The following THSD7A variants were observed in gnomAD, a reference collection of about 807,000 sequenced individuals.
The protein encoded by THSD7A is thrombospondin type-1 domain-containing protein 7A.
THSD7A carries 96 observed loss-of-function variants against 231.3 expected under a neutral mutation model. The observed-to-expected ratio is 0.41, with a 90% confidence interval of 0.35 to 0.49. The LOEUF (loss-of-function observed/expected upper bound fraction) is 0.49. Ranked by LOEUF, THSD7A falls within the 20% of genes least tolerant of loss-of-function variation. The pLI is 0.05. For missense variants in THSD7A, 2,290 were observed against 2,070.2 expected, an observed-to-expected ratio of 1.11 and a Z score of -2.06; for synonymous variants, 940 against 743.3, an observed-to-expected ratio of 1.26 and a Z score of -4.30.
intron 1 of THSD7A, among the ~76,000 whole-genome samples, chr7:11,825,148 A>G (rs1784988549): frequency 6.6e-6 from 1 of 152,096 alleles, no homozygotes; most frequent in Non-Finnish European, 1.5e-5. Context: ...TGTCATTTTT[A>G]GGGGAATAAC....
At chr7:11,756,605 A>T (rs926489070) in intron 1 of THSD7A, among the ~76,000 whole-genome samples, 1 of 152,030 alleles carries the variant, frequency 6.6e-6, no homozygotes, top group East Asian at 1.9e-4. Flanking sequence ...GAAAAAAAAA[A>T]TGTTCATTTA....
chr7:11,519,775 A>C (rs749996302), intron 6 of THSD7A, among the ~76,000 whole-genome samples: 1 of 152,100 alleles, frequency 6.6e-6, no homozygotes, highest in Non-Finnish European at 1.5e-5. Flanking sequence ...AGTTGTTGAT[A>C]ATATTGTACT....
At chr7:11,776,459 T>A (rs1219320599) in intron 1 of THSD7A, among the ~76,000 whole-genome samples, 6 of 152,190 alleles carry the variant, frequency 3.9e-5, no homozygotes, top group Non-Finnish European at 8.8e-5. Context: ...ACCCTTATTA[T>A]CTAGTCTCTA....
At chr7:11,579,903 A>G (rs557935908) in intron 4 of THSD7A, among the ~76,000 whole-genome samples, 1 of 152,324 alleles carries the variant, frequency 6.6e-6, no homozygotes, top group Non-Finnish European at 1.5e-5. Flanking sequence ...AGTCATTCTC[A>G]CTGGCTGTAA....
At chr7:11,566,965 T>TAGCGGGGGGGGGGGGGGGGC in intron 4 of THSD7A, among the ~76,000 whole-genome samples, 1 of 92,304 alleles carries the variant, frequency 1.1e-5, no homozygotes. Flanking sequence ...TGTGGGAGAG[T>TAGCGGGGGGGGGGGGGGGGC]GGGGGGGGGA....
intron 1 of THSD7A, among the ~76,000 whole-genome samples, chr7:11,743,994 A>T (rs986158857): frequency 1.8e-4 from 28 of 152,030 alleles, no homozygotes; most frequent in African/African-American, 6.7e-4. Flanking sequence ...GTGGTTAGAC[A>T]CTTAATACAG....
chr7:11,491,472 C>A (rs1376607608), intron 6 of THSD7A, among the ~76,000 whole-genome samples: 1 of 151,998 alleles, frequency 6.6e-6, no homozygotes, highest in African/African-American at 2.4e-5. Context: ...ATTTAAACAG[C>A]TATACACAGC....
chr7:11,753,852 T>C (rs1044109578), intron 1 of THSD7A, among the ~76,000 whole-genome samples: 1 of 151,690 alleles, frequency 6.6e-6, no homozygotes, highest in Non-Finnish European at 1.5e-5. Context: ...AGAATTATCG[T>C]CAGTAATTTA....
At chr7:11,431,688 A>G (rs1256914239) in intron 13 of THSD7A, among the ~76,000 whole-genome samples, 5 of 152,072 alleles carry the variant, frequency 3.3e-5, no homozygotes, top group Non-Finnish European at 7.4e-5. Context: ...TCAAACTTCT[A>G]TATGCATTTT....
intron 13 of THSD7A, among the ~76,000 whole-genome samples, chr7:11,442,405 AATG>A (rs140550472): frequency 0.027 from 4,054 of 152,148 alleles, 87 homozygotes; most frequent in Admixed American, 0.046. Flanking sequence ...GATAGACAAC[AATG>A]ATTAAACAGA....
chr7:11,576,700 C>T (rs1440440685), intron 4 of THSD7A, among the ~76,000 whole-genome samples: 1 of 152,204 alleles, frequency 6.6e-6, no homozygotes, highest in Non-Finnish European at 1.5e-5. Flanking sequence ...GTTCAAATAA[C>T]TGTGAACAAG....
Position 11,392,832 on chromosome 7 carries a change from G to A in THSD7A, c.4411+8963C>T, listed in dbSNP as rs533996574. On this transcript the variant is annotated intron_variant, in intron 23 of 27. Transcript: ENST00000423059. ...CCCTTGTAGCCAGACTGCCTCTCTA[G>A]ATTCCTTCTCCCTGAGCAGGGCATC... Among the ~76,000 whole-genome samples, 4 of 152,364 alleles carry A rather than the reference G, an allele frequency of 2.6e-5. No individual in the cohort carries two copies. The South Asian group carries it at 8.3e-4, about 32-fold the overall frequency.
chr7:11,735,378 C>G (rs550619342), intron 1 of THSD7A, among the ~76,000 whole-genome samples: 1 of 151,938 alleles, frequency 6.6e-6, no homozygotes, highest in South Asian at 2.1e-4. Flanking sequence ...TTTTGAGTGC[C>G]AACATGATGC....
chr7:11,694,390 T>A (rs1419648508), intron 1 of THSD7A, among the ~76,000 whole-genome samples: 1 of 151,532 alleles, frequency 6.6e-6, no homozygotes, highest in African/African-American at 2.4e-5. Flanking sequence ...ATAGTACCAT[T>A]CATTTTTATT....
At chr7:11,416,968 A>G (rs1474815736) in intron 17 of THSD7A, among the ~76,000 whole-genome samples, 1 of 152,202 alleles carries the variant, frequency 6.6e-6, no homozygotes, top group African/African-American at 2.4e-5. Flanking sequence ...CTTACCCAGT[A>G]TCTTTTGCTT....
Position 11,636,089 on chromosome 7 carries a change from G to T in THSD7A, c.1022+41C>A. 6.5e-7 allele frequency: 1 copy of T among 1,536,136 alleles called. No homozygotes were observed. The highest frequency in any genetic ancestry group is 1.2e-5 in the South Asian group (1 of 80,594). On this transcript the variant is annotated intron_variant, in intron 2 of 27. Coordinates refer to ENST00000423059, the MANE Select transcript of THSD7A (RefSeq NM_015204.3). This position sits in a 1 kb window ranked among gnomAD's most constrained non-coding sequence, Gnocchi z 10.0. ...GATATCTTAGGTACTCATGATTCTTGACAGACAAGCCTGTGTAGTTAACAG... is the reference window on the plus strand; with the variant it reads ...GATATCTTAGGTACTCATGATTCTTTACAGACAAGCCTGTGTAGTTAACAG...
At chr7:11,566,366 A>G (rs777277079) in intron 4 of THSD7A, among the ~76,000 whole-genome samples, 5 of 152,234 alleles carry the variant, frequency 3.3e-5, no homozygotes, top group Non-Finnish European at 7.3e-5. Context: ...CTATTCTCAG[A>G]AATTCCGATT....
At chr7:11,687,662 G>C (rs542824393) in intron 1 of THSD7A, among the ~76,000 whole-genome samples, 5 of 151,876 alleles carry the variant, frequency 3.3e-5, no homozygotes, top group African/African-American at 1.2e-4. Flanking sequence ...GAATACTTCT[G>C]TCATCTCCAA....
intron 11 of THSD7A, among the ~76,000 whole-genome samples, chr7:11,455,330 A>G (rs1785273029): frequency 6.6e-6 from 1 of 152,126 alleles, no homozygotes; most frequent in Admixed American, 6.6e-5. Context: ...TGATAAAACT[A>G]TCAACACAAC....
Sources: gnomAD v4.1 joint callset for allele counts (sites outside exome capture counted in the v4.1 genomes callset) on GRCh38, gnomAD v4.1.1 for gene constraint, Gnocchi (gnomAD v3.1) non-coding constraint, MANE v1.5 for transcripts, NCBI Gene and HGNC (gene_info 2026-07-23, HGNC 2026-07-21) for gene names.